Variants in DNAAF5 observed in about 807,000 individuals in gnomAD.
DNAAF5 encodes the protein HEAT repeat containing 2.
In DNAAF5, 64 loss-of-function variants were observed where a neutral mutation model predicts 75.8. The ratio of observed to expected loss-of-function variants is 0.84; its 90% confidence interval spans 0.69 to 1.04. The LOEUF is 1.04. Among genes scored for constraint, DNAAF5 ranks in the 50% least tolerant of loss-of-function variants. The pLI is 0.00. For missense variants in DNAAF5, 1,269 were observed against 1,178.5 expected (o/e 1.08, Z -1.12); for synonymous variants, 657 against 557.2 (o/e 1.18, Z -2.52).
At chr7:777,947 T>C (rs1221100246) in intron 11 of DNAAF5, among the ~76,000 whole-genome samples, 1 of 152,130 alleles carries the variant, frequency 6.6e-6, no homozygotes, top group Non-Finnish European at 1.5e-5. Flanking sequence ...CCCGGGCTTT[T>C]CTGAATCCCA....
chr7:748,805 C>G (rs1347000140), intron 4 of DNAAF5, among the ~76,000 whole-genome samples: 1 of 152,218 alleles, frequency 6.6e-6, no homozygotes, highest in Non-Finnish European at 1.5e-5. Flanking sequence ...GCTGCGTGTC[C>G]TGTCTTACCA....
At chr7:736,891 C>G (rs909358954) in intron 2 of DNAAF5, among the ~76,000 whole-genome samples, 1 of 151,710 alleles carries the variant, frequency 6.6e-6, no homozygotes, top group African/African-American at 2.4e-5. Context: ...TTTGAAGTTA[C>G]CATGAGGCTT....
chr7:750,487 G>C (rs557957461), intron 4 of DNAAF5, among the ~76,000 whole-genome samples: 52 of 152,328 alleles, frequency 3.4e-4, no homozygotes, highest in African/African-American at 1.3e-3. Context: ...GGTGGTTTCA[G>C]GTTGAAATTG....
At chr7:761,479 A>G (rs2128080258) in intron 6 of DNAAF5, among the ~76,000 whole-genome samples, 1 of 152,360 alleles carries the variant, frequency 6.6e-6, no homozygotes, top group East Asian at 1.9e-4. Flanking sequence ...CCTCACCATC[A>G]TGGTGGAAGG....
chr7:744,417 T>C (rs1405945959), intron 4 of DNAAF5, among the ~76,000 whole-genome samples: 1 of 152,240 alleles, frequency 6.6e-6, no homozygotes, highest in Non-Finnish European at 1.5e-5. Context: ...CCTGTGTCTT[T>C]ATAGCAGCAT....
At chr7:758,260 G>C (rs1562389171) in intron 6 of DNAAF5, among the ~76,000 whole-genome samples, 1 of 152,232 alleles carries the variant, frequency 6.6e-6, no homozygotes, top group Non-Finnish European at 1.5e-5. Context: ...GGCATAACTT[G>C]AAAATGTGCA....
chr7:764,090 C>A, intron 8 of DNAAF5, 116 bp downstream of exon 8: 1 of 1,161,528 alleles, frequency 8.6e-7, no homozygotes, highest in South Asian at 1.4e-5. Context: ...TTCACTGAAG[C>A]GTGTTGTTAA....
chr7:736,423 T>G (rs1781741296), intron 2 of DNAAF5, among the ~76,000 whole-genome samples: 1 of 152,260 alleles, frequency 6.6e-6, no homozygotes, highest in East Asian at 1.9e-4. Flanking sequence ...AGTTGTTATA[T>G]CCTCTTGCTG....
intron 1 of DNAAF5, among the ~76,000 whole-genome samples, chr7:729,071 A>C (rs1781471364): frequency 6.9e-6 from 1 of 144,176 alleles, no homozygotes; most frequent in Admixed American, 7.4e-5. Flanking sequence ...ATCTCAGCTC[A>C]CTGCAACCTC....
intron 12 of DNAAF5, among the ~76,000 whole-genome samples, chr7:780,826 C>CTTTTTTTTTTTTTTTT (rs201445917): frequency 6.1e-5 from 8 of 131,238 alleles, no homozygotes; most frequent in East Asian, 2.3e-4. Flanking sequence ...TTTTTTTTTT[C>CTTTTTTTTTTTTTTTT]TTTTTTTTTT....
rs1024090878 is a variant in DNAAF5 at position 769,945 on chromosome 7, G to T, written c.1784-526G>T. Among the ~76,000 whole-genome samples the T allele has an allele frequency of 2.0e-5, 3 of 151,784 alleles. No homozygotes were observed. In the South Asian group the frequency reaches 6.3e-4, roughly 32 times the overall value. On this transcript the variant is annotated intron_variant, in intron 8 of 12. Coordinates refer to ENST00000297440, the MANE Select transcript of DNAAF5 (RefSeq NM_017802.4). ...TATAGGCGTGAGCCACCACGTCCAG[G>T]TTTTGTTTTTGTTTTTGTTTTTTTG...
At chr7:745,688 CAT>C (rs35796569) in intron 4 of DNAAF5, among the ~76,000 whole-genome samples, 21,263 of 152,234 alleles carry the variant, frequency 0.14, 1,699 homozygotes, top group East Asian at 0.28. Flanking sequence ...CACATATACA[CAT>C]CTGCACACGT....
Position 740,893 on chromosome 7 carries a change from G to A in DNAAF5, c.855G>A (p.Lys285=). 1.2e-6 allele frequency: 2 copies of A among 1,613,998 alleles called. No individual in the cohort carries two copies. The highest frequency in any genetic ancestry group is 1.1e-5 in the South Asian group (1 of 91,090). ...CLRDRYSFFH[K]LIPLLLSSLN... ...GTGACCGTTACTCCTTCTTCCACAA[G>A]CTCATCCCTCTGCTGCTCAGTAGCC... is the stretch of plus-strand genomic sequence containing the variant. Residue 285 remains lysine (K), a synonymous_variant, in exon 3 of 13, where the codon AAG becomes AAA. Transcript: ENST00000297440.
chr7:774,283 A>G, intron 10 of DNAAF5, 85 bp downstream of exon 10: 1 of 1,391,926 alleles, frequency 7.2e-7, no homozygotes, highest in Non-Finnish European at 9.6e-7. Context: ...CGCAGCAGGA[A>G]CTTGGGCAGG....
chr7:727,000 G>C lies in DNAAF5; in HGVS notation c.280G>C (p.Ala94Pro). The C allele has an allele frequency of 8.0e-7, 1 of 1,251,896 alleles. No individual in the cohort carries two copies. Among genetic ancestry groups the C allele is most frequent in the Non-Finnish European group, 1.0e-6 (1 of 993,840 alleles). The allele number at this position is 1,251,896 out of a possible 1,614,324, so 77.5% of individuals were successfully genotyped here. Reference sequence around the variant, plus strand: ...GAGCGACCCCGCCGAGGGCTGCCGCGCGCTGGCAGTGCACCTGCTGGATCT... The same window carrying C: ...GAGCGACCCCGCCGAGGGCTGCCGCCCGCTGGCAGTGCACCTGCTGGATCT... ...CLSDPAEGCR[A>P]LAVHLLDLGL... Residue 94 changes from alanine to proline, a missense_variant, in exon 1 of 13, where the codon GCG (alanine) becomes CCG (proline). Coordinates refer to ENST00000297440, the MANE Select transcript of DNAAF5 (RefSeq NM_017802.4).
chr7:766,732 G>A (rs1343448468), intron 8 of DNAAF5, among the ~76,000 whole-genome samples: 2 of 152,096 alleles, frequency 1.3e-5, no homozygotes, highest in Non-Finnish European at 2.9e-5. Context: ...GCTCACGTGA[G>A]CTCAGAAATT....
chr7:757,843 C>T (rs772712845), intron 6 of DNAAF5, among the ~76,000 whole-genome samples: 3 of 152,224 alleles, frequency 2.0e-5, no homozygotes, highest in South Asian at 2.1e-4. Context: ...TGCTCCGGCT[C>T]GATCGTTTCC....
At chr7:741,042 T>C (rs2128072904) in intron 3 of DNAAF5, 99 bp downstream of exon 3, 1 of 1,409,706 alleles carries the variant, frequency 7.1e-7, no homozygotes. Context: ...AACCTGCTGG[T>C]GTCCCTTTGT....
At chr7:773,774 GGCCTCTGGCTC>G (rs1241561990) in intron 9 of DNAAF5, among the ~76,000 whole-genome samples, 1 of 152,088 alleles carries the variant, frequency 6.6e-6, no homozygotes, top group Non-Finnish European at 1.5e-5. Context: ...CTCGGCCCAG[GGCCTCTGGCTC>G]GCCTCTGGAG....
Sources: allele counts gnomAD v4.1 joint callset (sites outside exome capture counted in the v4.1 genomes callset), GRCh38; gene constraint gnomAD v4.1.1; transcripts MANE v1.5; gene names NCBI Gene and HGNC (gene_info 2026-07-23, HGNC 2026-07-21).